The following ROBO2 variants were observed in gnomAD, a reference collection of about 807,000 sequenced individuals.
The protein encoded by ROBO2 is roundabout homolog 2.
In ROBO2, 53 loss-of-function variants were observed where a neutral mutation model predicts 160.8. The observed-to-expected ratio is 0.33, with a 90% confidence interval of 0.26 to 0.41. ROBO2 has a LOEUF of 0.41. Ranked by LOEUF, ROBO2 falls within the 10% of genes least tolerant of loss-of-function variation. The pLI, the probability that ROBO2 is intolerant of heterozygous loss-of-function variation, is 1.00. For missense variants in ROBO2, 1,577 were observed against 1,722.4 expected, an observed-to-expected ratio of 0.92 and a Z score of 1.49; for synonymous variants, 664 against 611.7, an observed-to-expected ratio of 1.09 and a Z score of -1.26.
intron 2 of ROBO2, among the ~76,000 whole-genome samples, chr3:76,352,259 T>C (rs1287633898): frequency 1.3e-5 from 2 of 151,932 alleles, no homozygotes; most frequent in African/African-American, 4.8e-5. Context: ...GCACCCACAC[T>C]GGGAAAAAAC....
chr3:76,104,481 C>T (rs1247960401), intron 2 of ROBO2, among the ~76,000 whole-genome samples: 2 of 152,148 alleles, frequency 1.3e-5, no homozygotes, highest in Non-Finnish European at 2.9e-5. Flanking sequence ...CAAGTTAAAC[C>T]TCCCTTGGCC....
chr3:77,345,707 T>C (rs2067559035), intron 2 of ROBO2, among the ~76,000 whole-genome samples: 1 of 152,158 alleles, frequency 6.6e-6, no homozygotes, highest in Admixed American at 6.6e-5. Context: ...GGAATAATGA[T>C]ATTAAATAAC....
At chr3:75,991,648 G>A (rs1442926974) in intron 2 of ROBO2, among the ~76,000 whole-genome samples, 1 of 152,062 alleles carries the variant, frequency 6.6e-6, no homozygotes, top group Non-Finnish European at 1.5e-5. Flanking sequence ...AGAGTGGAGT[G>A]TTGCTGAAAA....
At chr3:77,384,723 A>G (rs1393778437) in intron 2 of ROBO2, among the ~76,000 whole-genome samples, 1 of 152,202 alleles carries the variant, frequency 6.6e-6, no homozygotes, top group Non-Finnish European at 1.5e-5. Context: ...CTCATATGAC[A>G]TTTTGCCTGC....
At chr3:77,474,759 C>A (rs1226314784) in intron 2 of ROBO2, among the ~76,000 whole-genome samples, 1 of 151,688 alleles carries the variant, frequency 6.6e-6, no homozygotes, top group Non-Finnish European at 1.5e-5. Flanking sequence ...TCTCTTAATC[C>A]GACACATGGG....
intron 2 of ROBO2, among the ~76,000 whole-genome samples, chr3:77,430,245 A>C (rs757541823): frequency 7.2e-5 from 11 of 152,120 alleles, no homozygotes; most frequent in Non-Finnish European, 1.0e-4. Context: ...GTCTACATGA[A>C]GAAGTTGTGG....
chr3:76,674,379 G>A (rs965880641), intron 2 of ROBO2, among the ~76,000 whole-genome samples: 1 of 151,844 alleles, frequency 6.6e-6, no homozygotes, highest in African/African-American at 2.4e-5. Context: ...GTGTAGTGCT[G>A]GGCACCAGGT....
intron 2 of ROBO2, among the ~76,000 whole-genome samples, chr3:77,266,417 C>G (rs1236873871): frequency 6.6e-6 from 1 of 152,060 alleles, no homozygotes; most frequent in East Asian, 1.9e-4. Flanking sequence ...ACTACTGCTT[C>G]TCTCTATTTG....
At chr3:76,108,626 C>G (rs1370914519) in intron 2 of ROBO2, among the ~76,000 whole-genome samples, 1 of 151,588 alleles carries the variant, frequency 6.6e-6, no homozygotes, top group Non-Finnish European at 1.5e-5. Flanking sequence ...TTCCTCAATT[C>G]TTCATAGTTA....
intron 2 of ROBO2, among the ~76,000 whole-genome samples, chr3:76,694,971 G>A (rs1057194843): frequency 3.9e-5 from 6 of 152,012 alleles, no homozygotes; most frequent in Non-Finnish European, 7.4e-5. Flanking sequence ...AGGCATGGTG[G>A]CACATGCTTC....
At chr3:76,697,936 C>T (rs979540853) in intron 2 of ROBO2, among the ~76,000 whole-genome samples, 1 of 151,740 alleles carries the variant, frequency 6.6e-6, no homozygotes, top group African/African-American at 2.4e-5. Context: ...TATAGAATGC[C>T]TGTAGAAGCT....
chr3:76,136,773 T>C (rs2071443003), intron 2 of ROBO2, among the ~76,000 whole-genome samples: 1 of 152,138 alleles, frequency 6.6e-6, no homozygotes, highest in South Asian at 2.1e-4. Context: ...AATCAAAGAA[T>C]GAATTTAGTG....
At chr3:76,967,511 CTTTTTTT>C (rs59372235) in intron 2 of ROBO2, among the ~76,000 whole-genome samples, 9 of 55,372 alleles carry the variant, frequency 1.6e-4, no homozygotes, top group Non-Finnish European at 2.5e-4. Flanking sequence ...CTGGCCAGCT[CTTTTTTT>C]TTTTTTTTTT....
At chr3:76,282,740 T>A (rs984312029) in intron 2 of ROBO2, among the ~76,000 whole-genome samples, 1 of 151,900 alleles carries the variant, frequency 6.6e-6, no homozygotes, top group Admixed American at 6.6e-5. Flanking sequence ...AAATCCCATG[T>A]TTAGTTTCCA....
intron 2 of ROBO2, among the ~76,000 whole-genome samples, chr3:76,750,738 G>T (rs1413806795): frequency 3.3e-5 from 5 of 152,082 alleles, no homozygotes; most frequent in Non-Finnish European, 7.4e-5. Context: ...CAACTTACAA[G>T]GGATGTGAAG....
intron 24 of ROBO2, among the ~76,000 whole-genome samples, chr3:77,637,172 T>C (rs901487606): frequency 2.0e-5 from 3 of 152,210 alleles, no homozygotes; most frequent in South Asian, 4.1e-4. Flanking sequence ...TACAGGTAAT[T>C]TTAAAGCTCC....
chr3:76,450,105 A>G (rs760076525), intron 2 of ROBO2, among the ~76,000 whole-genome samples: 1 of 152,182 alleles, frequency 6.6e-6, no homozygotes, highest in Non-Finnish European at 1.5e-5. Context: ...TTGGAAGAAG[A>G]GTAGGTAGTT....
intron 2 of ROBO2, among the ~76,000 whole-genome samples, chr3:76,454,205 GCA>G (rs958018957): frequency 6.6e-6 from 1 of 152,070 alleles, no homozygotes; most frequent in African/African-American, 2.4e-5. Flanking sequence ...GCTATCAAAA[GCA>G]CACACCATAA....
chr3:76,977,151 A>G (rs560826175), intron 2 of ROBO2, among the ~76,000 whole-genome samples: 1 of 152,324 alleles, frequency 6.6e-6, no homozygotes, highest in South Asian at 2.1e-4. Flanking sequence ...TATCCCAGTT[A>G]ATCTCATACA....
Sources: gnomAD v4.1 joint callset for allele counts (sites outside exome capture counted in the v4.1 genomes callset) on GRCh38, gnomAD v4.1.1 for gene constraint, MANE v1.5 for transcripts, NCBI Gene and HGNC (gene_info 2026-07-23, HGNC 2026-07-21) for gene names.